C1orf21: variants seen among roughly 807,000 people sequenced by gnomAD.
C1orf21 encodes chromosome 1 open reading frame 21, also known as uncharacterized protein C1orf21.
In C1orf21, 3 loss-of-function variants were observed where a neutral mutation model predicts 18.7. The observed-to-expected ratio is 0.16, with a 90% CI of 0.07 to 0.42. The LOEUF (loss-of-function observed/expected upper bound fraction) is 0.42. C1orf21 is among the 10% of genes least tolerant of loss of function. The probability of loss-of-function intolerance (pLI) is 0.99; values close to 1 mark genes in which losing one functional copy is unlikely to be tolerated. For synonymous variants in C1orf21, 41 were observed against 46.4 expected, an observed-to-expected ratio of 0.88 and a Z score of 0.47; for missense variants, 104 against 143.6, an observed-to-expected ratio of 0.72 and a Z score of 1.41.
intron 5 of C1orf21, among the ~76,000 whole-genome samples, chr1:184,613,586 T>G (rs1438534887): frequency 6.6e-6 from 1 of 152,078 alleles, no homozygotes; most frequent in Non-Finnish European, 1.5e-5. Flanking sequence ...ACGTTGATGG[T>G]TTTCTTCCCT....
chr1:184,413,593 A>G (rs929461341), intron 1 of C1orf21, among the ~76,000 whole-genome samples: 1 of 152,228 alleles, frequency 6.6e-6, no homozygotes, highest in African/African-American at 2.4e-5. Context: ...CCAGAAAACT[A>G]TGTTTCTGAA....
chr1:184,591,717 A>G (rs1452247739), intron 4 of C1orf21, among the ~76,000 whole-genome samples: 1 of 151,774 alleles, frequency 6.6e-6, no homozygotes, highest in Non-Finnish European at 1.5e-5. Flanking sequence ...GAGGCAGGAG[A>G]GTGGCGTGAA....
At chr1:184,559,932 T>C (rs928104933) in intron 3 of C1orf21, among the ~76,000 whole-genome samples, 19 of 152,130 alleles carry the variant, frequency 1.2e-4, no homozygotes, top group African/African-American at 4.6e-4. Context: ...TTGTATTTTT[T>C]GTAGACACAG....
At chr1:184,488,441 G>A (rs933620959) in intron 2 of C1orf21, among the ~76,000 whole-genome samples, 2 of 152,152 alleles carry the variant, frequency 1.3e-5, no homozygotes, top group Admixed American at 6.5e-5. Flanking sequence ...CACCATGAGA[G>A]GGCTAGAGGC....
chr1:184,487,329 T>C lies in C1orf21; in HGVS notation c.94+9726T>C, dbSNP rs540375519. ...TGCCTTCTGCACTTGGAACTTTACA[T>C]GTGACTGGTTATTTTGCCCCTGAAC... On this transcript the variant is annotated intron_variant, in intron 2 of 5. Coordinates refer to ENST00000235307, the MANE Select transcript of C1orf21 (RefSeq NM_030806.4). Among the ~76,000 whole-genome samples the C allele has an allele frequency of 7.9e-5, 12 of 152,340 alleles. No individual in the cohort carries two copies. In the East Asian group the frequency reaches 1.7e-3, roughly 22 times the overall value.
chr1:184,578,728 TTAGA>T (rs1044840215), intron 3 of C1orf21, among the ~76,000 whole-genome samples: 5 of 152,166 alleles, frequency 3.3e-5, no homozygotes, highest in Admixed American at 2.6e-4. Flanking sequence ...GTGATTAATC[TTAGA>T]TAGTTAGATA....
At chr1:184,405,284 C>G (rs1257612863) in intron 1 of C1orf21, among the ~76,000 whole-genome samples, 1 of 152,070 alleles carries the variant, frequency 6.6e-6, no homozygotes, top group Non-Finnish European at 1.5e-5. Flanking sequence ...CAGCCTCAAT[C>G]TCCCTGGCTC....
chr1:184,617,987 G>A (rs1422139342), intron 5 of C1orf21, among the ~76,000 whole-genome samples: 1 of 141,176 alleles, frequency 7.1e-6, no homozygotes. Flanking sequence ...TTGGCTCACT[G>A]CAATCTCTGC....
chr1:184,446,851 GTTT>G (rs928078620), intron 1 of C1orf21, among the ~76,000 whole-genome samples: 7 of 129,120 alleles, frequency 5.4e-5, no homozygotes, highest in East Asian at 2.2e-4. Flanking sequence ...TTTTTTCGTG[GTTT>G]TTTTTTTTTT....
intron 1 of C1orf21, among the ~76,000 whole-genome samples, chr1:184,459,603 G>T (rs1657271200): frequency 6.6e-6 from 1 of 152,160 alleles, no homozygotes; most frequent in South Asian, 2.1e-4. Flanking sequence ...ACAGTTTTAT[G>T]ATTCATCTGT....
chr1:184,449,436 A>C (rs1486921130), intron 1 of C1orf21, among the ~76,000 whole-genome samples: 1 of 152,092 alleles, frequency 6.6e-6, no homozygotes, highest in East Asian at 1.9e-4. Context: ...CATTTTCTTA[A>C]TCCAGCCTAT....
intron 3 of C1orf21, chr1:184,567,467 G>A (rs1659050271): frequency 1.8e-6 from 1 of 541,338 alleles, no homozygotes. Context: ...CACTGCTGGT[G>A]CAGAGATGCT....
At position 184,458,590 on chromosome 1, in the gene C1orf21, C is replaced by CAACTCTACTATAAT. The variant is rs1233879588; in HGVS notation, c.-124-18796_-124-18795insAACTCTACTATAAT. On this transcript the variant is annotated intron_variant, in intron 1 of 5. Transcript: ENST00000235307. ...TCAACTCTACTATAATTTGAAACAGCTCCAAAAGTATTTCAACTTAACATT... is the reference window on the plus strand; with the variant it reads ...TCAACTCTACTATAATTTGAAACAGCAACTCTACTATAATTCCAAAAGTATTTCAACTTAACATT... Among the ~76,000 whole-genome samples, 36 of 152,296 alleles carry CAACTCTACTATAAT rather than the reference C, an allele frequency of 2.4e-4. No individual in the cohort carries two copies. The East Asian group carries it at 6.4e-3, about 27-fold the overall frequency.
intron 2 of C1orf21, among the ~76,000 whole-genome samples, chr1:184,502,766 T>C (rs1156957446): frequency 2.0e-5 from 3 of 152,094 alleles, no homozygotes; most frequent in African/African-American, 7.2e-5. Flanking sequence ...TTTTAACAAA[T>C]CATATTTTTA....
intron 2 of C1orf21, among the ~76,000 whole-genome samples, chr1:184,501,028 C>A (rs762497981): frequency 6.6e-6 from 1 of 152,180 alleles, no homozygotes; most frequent in Non-Finnish European, 1.5e-5. Context: ...ATGTATTAAT[C>A]AATTCCACCT....
chr1:184,454,168 CAAAGG>C (rs549943177), intron 1 of C1orf21, among the ~76,000 whole-genome samples: 1 of 152,128 alleles, frequency 6.6e-6, no homozygotes, highest in South Asian at 2.1e-4. Flanking sequence ...AACTGAGAAT[CAAAGG>C]AAAGGATAGC....
At chr1:184,401,409 C>T (rs936062696) in intron 1 of C1orf21, among the ~76,000 whole-genome samples, 2 of 151,860 alleles carry the variant, frequency 1.3e-5, no homozygotes, top group Non-Finnish European at 2.9e-5. Context: ...TTCGTAAAGA[C>T]GGGGTTTCGC....
At chr1:184,580,795 A>G (rs1415319103) in intron 3 of C1orf21, among the ~76,000 whole-genome samples, 1 of 152,232 alleles carries the variant, frequency 6.6e-6, no homozygotes, top group African/African-American at 2.4e-5. Flanking sequence ...AGTGCCTTGA[A>G]CTAGATTCTG....
At chr1:184,516,928 A>T (rs1658239083) in intron 3 of C1orf21, among the ~76,000 whole-genome samples, 1 of 152,240 alleles carries the variant, frequency 6.6e-6, no homozygotes, top group African/African-American at 2.4e-5. Context: ...GAGCAGTGGC[A>T]TCCAGTTGGT....
Sources: allele counts gnomAD v4.1 joint callset (sites outside exome capture counted in the v4.1 genomes callset), GRCh38; gene constraint gnomAD v4.1.1; transcripts MANE v1.5; gene names NCBI Gene and HGNC (gene_info 2026-07-23, HGNC 2026-07-21).